CCDC149: variants seen among roughly 807,000 people sequenced by gnomAD.
The protein encoded by CCDC149 is coiled-coil domain-containing protein 149.
CCDC149 carries 45 observed loss-of-function variants against 59.9 expected under a neutral mutation model. The observed-to-expected ratio is 0.75, with a 90% confidence interval of 0.59 to 0.96. CCDC149 has a LOEUF of 0.96. Among genes scored for constraint, CCDC149 ranks in the 40% least tolerant of loss-of-function variants. The pLI is 0.00. For missense variants in CCDC149, 584 were observed against 664.7 expected (o/e 0.88, Z 1.33); for synonymous variants, 245 against 260.6 (o/e 0.94, Z 0.58).
intron 1 of CCDC149, among the ~76,000 whole-genome samples, chr4:24,892,471 C>T (rs1656055612): frequency 6.6e-6 from 1 of 152,190 alleles, no homozygotes; most frequent in Non-Finnish European, 1.5e-5. Context: ...TGGTTGCTGT[C>T]CACTTAAGTG....
chr4:24,979,384 T>A (rs1724365504), intron 1 of CCDC149, among the ~76,000 whole-genome samples: 1 of 152,096 alleles, frequency 6.6e-6, no homozygotes, highest in South Asian at 2.1e-4. Flanking sequence ...AGGGAAATGG[T>A]CAGAGCACAG....
rs746332431 is a variant in CCDC149, at chr4:24,822,582, A to G, written c.966-9T>C. The stretch of plus-strand genomic sequence containing the variant: ...CCCGATTCCCTAGGATTCTGAAAAA[A>G]GGGGAGAAAATGACAATCAATTACT... On this transcript the variant is annotated splice_polypyrimidine_tract_variant and intron_variant, in intron 9 of 12. Transcript: ENST00000635206. 43 of 1,526,542 alleles carry G rather than the reference A, an allele frequency of 2.8e-5. 1 individual carries two copies. The highest frequency in any genetic ancestry group is 8.8e-7 in the Non-Finnish European group (1 of 1,136,046). 94.6% of individuals were successfully genotyped at this position (1,526,542 alleles called of 1,614,324 possible). A position where few individuals can be genotyped will look rare whatever the true frequency, so the allele number is the denominator to read the frequency against.
chr4:24,803,939 A>AT (rs1346986257), downstream of CCDC149, among the ~76,000 whole-genome samples: 1 of 151,936 alleles, frequency 6.6e-6, no homozygotes, highest in Non-Finnish European at 1.5e-5. This position sits in a 1 kb window ranked among gnomAD's most constrained non-coding sequence, Gnocchi z 4.3. Flanking sequence ...GGTCTTTCCT[A>AT]TTTTTTCTGC....
At chr4:24,838,779 A>T (rs976702043) in intron 4 of CCDC149, among the ~76,000 whole-genome samples, 4 of 134,710 alleles carry the variant, frequency 3.0e-5, no homozygotes, top group Admixed American at 1.4e-4. Context: ...TAAAGAGTTT[A>T]AAAAAAAAAA....
intron 1 of CCDC149, among the ~76,000 whole-genome samples, chr4:24,911,414 C>T (rs761898450): frequency 6.6e-6 from 1 of 152,206 alleles, no homozygotes; most frequent in Admixed American, 6.5e-5. Flanking sequence ...TCACAATGTA[C>T]TGACTCCTAA....
At chr4:24,975,057 G>T (rs535058193) in intron 1 of CCDC149, among the ~76,000 whole-genome samples, 47 of 152,226 alleles carry the variant, frequency 3.1e-4, no homozygotes, top group African/African-American at 1.1e-3. Context: ...AATAGGCTTT[G>T]CGCAGCATTG....
At chr4:24,923,876 A>C (rs762927120) in intron 1 of CCDC149, among the ~76,000 whole-genome samples, 15 of 152,250 alleles carry the variant, frequency 9.9e-5, no homozygotes, top group Admixed American at 7.2e-4. Context: ...ACAGGTTGCC[A>C]GGGCAGCCCT....
rs191093046 is a variant in CCDC149, at chr4:24,848,440, G to A, written c.372+4632C>T. 6.4e-3 allele frequency among the ~76,000 whole-genome samples: 979 copies of A among 152,112 alleles called. 12 individuals carry two copies. The highest frequency in any genetic ancestry group is 0.022 in the African/African-American group (904 of 41,484). On this transcript the variant is annotated intron_variant, in intron 4 of 12. Coordinates refer to ENST00000635206, the MANE Select transcript of CCDC149 (RefSeq NM_001330643.2). Reference sequence around the variant, plus strand: ...AAAAATTAGCTGGGCGTGGTGGCGCGTGCCTGTAGTCCCAGCTACTCAGGA... The same window carrying A: ...AAAAATTAGCTGGGCGTGGTGGCGCATGCCTGTAGTCCCAGCTACTCAGGA...
intron 10 of CCDC149, 146 bp downstream of exon 10, chr4:24,822,351 A>AT (rs1409208876): frequency 5.9e-5 from 28 of 473,820 alleles, no homozygotes; most frequent in East Asian, 2.5e-4. Flanking sequence ...ACACTTGTAG[A>AT]TTTTTTCAGC....
chr4:24,909,017 T>C (rs1721716765), intron 1 of CCDC149, among the ~76,000 whole-genome samples: 1 of 152,208 alleles, frequency 6.6e-6, no homozygotes, highest in South Asian at 2.1e-4. Context: ...TCCCCAGACA[T>C]TTAATTTCCA....
At chr4:24,815,501 C>T (rs982202283) in intron 12 of CCDC149, among the ~76,000 whole-genome samples, 7 of 152,126 alleles carry the variant, frequency 4.6e-5, no homozygotes, top group African/African-American at 1.2e-4. Flanking sequence ...CAACGTGAGA[C>T]GAGTACACTC....
intron 1 of CCDC149, among the ~76,000 whole-genome samples, chr4:24,890,451 C>T (rs1720462747): frequency 6.6e-6 from 1 of 152,164 alleles, no homozygotes; most frequent in Admixed American, 6.5e-5. Context: ...CCCATTCACC[C>T]AAAGGAGAGT....
intron 1 of CCDC149, among the ~76,000 whole-genome samples, chr4:24,934,800 T>A (rs543293170): frequency 1.3e-5 from 2 of 152,274 alleles, no homozygotes; most frequent in African/African-American, 4.8e-5. Flanking sequence ...CTTTGAGGAT[T>A]AATAAGAAGG....
intron 8 of CCDC149, among the ~76,000 whole-genome samples, chr4:24,832,208 G>T (rs1210100463): frequency 1.3e-5 from 2 of 152,098 alleles, no homozygotes; most frequent in African/African-American, 4.8e-5. Flanking sequence ...TTATAGAAAA[G>T]GTTATGTATG....
intron 3 of CCDC149, among the ~76,000 whole-genome samples, chr4:24,854,358 C>T (rs1717869195): frequency 6.6e-6 from 1 of 152,178 alleles, no homozygotes; most frequent in Non-Finnish European, 1.5e-5. Flanking sequence ...CCTCTGCTTC[C>T]ATGTGCGTTG....
chr4:24,832,367 C>A (rs370774425), intron 8 of CCDC149, among the ~76,000 whole-genome samples: 3 of 152,170 alleles, frequency 2.0e-5, no homozygotes, highest in East Asian at 3.9e-4. Flanking sequence ...GAGCAGACTG[C>A]AAATATCTAA....
chr4:24,809,903 T>C (rs1367510902), intron 12 of CCDC149, among the ~76,000 whole-genome samples: 6 of 152,246 alleles, frequency 3.9e-5, no homozygotes, highest in African/African-American at 1.4e-4. Context: ...AGAAAGGATG[T>C]TGAGCATCAT....
At chr4:24,818,963 G>A (rs564530723) in intron 12 of CCDC149, among the ~76,000 whole-genome samples, 1 of 152,196 alleles carries the variant, frequency 6.6e-6, no homozygotes, top group African/African-American at 2.4e-5. Context: ...GGCAGAACAA[G>A]ATAAGCAAAA....
intron 2 of CCDC149, among the ~76,000 whole-genome samples, chr4:24,876,161 C>T (rs1294276737): frequency 6.6e-6 from 1 of 151,996 alleles, no homozygotes; most frequent in Non-Finnish European, 1.5e-5. Context: ...GTAGGGTTTC[C>T]TACTATCTGT....
Sources: gnomAD v4.1 joint callset for allele counts (sites outside exome capture counted in the v4.1 genomes callset) on GRCh38, gnomAD v4.1.1 for gene constraint, Gnocchi (gnomAD v3.1) non-coding constraint, MANE v1.5 for transcripts, NCBI Gene and HGNC (gene_info 2026-07-23, HGNC 2026-07-21) for gene names.